The following EXOC4 variants were observed in gnomAD, a reference collection of about 807,000 sequenced individuals.
The protein encoded by EXOC4 is exocyst complex component 4.
In EXOC4, 71 loss-of-function variants were observed where a neutral mutation model predicts 107.2. That is an observed-to-expected ratio of 0.66 (90% confidence interval 0.55 to 0.81). The LOEUF is 0.81. Ranked by LOEUF, EXOC4 falls within the 30% of genes least tolerant of loss-of-function variation. The pLI, the probability that EXOC4 is intolerant of heterozygous loss-of-function variation, is 0.00. For missense variants in EXOC4, 1,108 were observed against 1,189.6 expected (o/e 0.93, Z 1.01); for synonymous variants, 456 against 441.2 (o/e 1.03, Z -0.42).
At chr7:133,526,155 G>C (rs1263532863) in intron 9 of EXOC4, among the ~76,000 whole-genome samples, 1 of 152,120 alleles carries the variant, frequency 6.6e-6, no homozygotes, top group Non-Finnish European at 1.5e-5. Flanking sequence ...CCAGATAATT[G>C]GCTCTTTCTG....
chr7:133,290,808 A>T (rs1268514707), intron 3 of EXOC4: 1 of 152,174 alleles, frequency 6.6e-6, no homozygotes, highest in Non-Finnish European at 1.5e-5. Flanking sequence ...CAGAAATTCA[A>T]CTCTAGCTAG....
intron 9 of EXOC4, among the ~76,000 whole-genome samples, chr7:133,626,747 C>T (rs1183954468): frequency 6.6e-6 from 1 of 152,198 alleles, no homozygotes; most frequent in Non-Finnish European, 1.5e-5. Flanking sequence ...AAATCTTCCT[C>T]TCACTGACAT....
At chr7:133,708,433 C>T (rs1456658230) in intron 10 of EXOC4, among the ~76,000 whole-genome samples, 2 of 152,170 alleles carry the variant, frequency 1.3e-5, no homozygotes, top group Non-Finnish European at 2.9e-5. Flanking sequence ...CATTAATTGA[C>T]ATTGAATGGA....
At chr7:133,293,696 G>A (rs1204872126) in intron 3 of EXOC4, among the ~76,000 whole-genome samples, 4 of 152,172 alleles carry the variant, frequency 2.6e-5, no homozygotes, top group East Asian at 3.8e-4. Flanking sequence ...TATGATAACC[G>A]AGTATTGCAT....
At chr7:133,360,030 A>G (rs1160437879) in intron 6 of EXOC4, among the ~76,000 whole-genome samples, 40 of 152,316 alleles carry the variant, frequency 2.6e-4, no homozygotes, top group Non-Finnish European at 1.0e-4. Flanking sequence ...TTAGGGTAAC[A>G]TGTGCCTTGC....
At chr7:134,007,919 G>A in intron 17 of EXOC4, 84 bp downstream of exon 17, 1 of 1,270,780 alleles carries the variant, frequency 7.9e-7, no homozygotes, top group South Asian at 1.6e-5. Context: ...ATAGACTCTT[G>A]GTGCAGAAAA....
At chr7:133,896,973 C>G (rs142822681) in intron 12 of EXOC4, among the ~76,000 whole-genome samples, 17 of 145,012 alleles carry the variant, frequency 1.2e-4, no homozygotes, top group African/African-American at 3.5e-4. Context: ...CAGTTGCCCA[C>G]TATTTAAAGG....
At chr7:133,396,551 C>T (rs1046867767) in intron 7 of EXOC4, 1 of 152,166 alleles carries the variant, frequency 6.6e-6, no homozygotes, top group Admixed American at 6.5e-5. Flanking sequence ...AGTATGTCAT[C>T]AATTAGGAAA....
intron 10 of EXOC4, among the ~76,000 whole-genome samples, chr7:133,652,729 G>A (rs1333816529): frequency 6.6e-6 from 1 of 152,192 alleles, no homozygotes; most frequent in Non-Finnish European, 1.5e-5. Flanking sequence ...CCGCCTCCGA[G>A]CAAGCAGCTG....
chr7:133,428,752 A>AT lies in EXOC4; in HGVS notation c.1183-46575dup, dbSNP rs1243094987. On this transcript the variant is annotated intron_variant, in intron 7 of 17. Coordinates refer to ENST00000253861, the MANE Select transcript of EXOC4 (RefSeq NM_021807.4). ...TCTGGTATGCCACTTGCTTTCTTTT[A>AT]TGCCACAAACATCTGTTGCTGCTTA... 5.5e-4 allele frequency among the ~76,000 whole-genome samples: 84 copies of AT among 152,274 alleles called. 1 individual carries two copies. The highest frequency in any genetic ancestry group is 1.9e-3 in the African/African-American group (81 of 41,568).
chr7:133,352,702 A>G, intron 5 of EXOC4, among the ~76,000 whole-genome samples: 1 of 151,302 alleles, frequency 6.6e-6, no homozygotes, highest in Non-Finnish European at 1.5e-5. Flanking sequence ...TATATGCATT[A>G]TTTTTTTTAC....
chr7:133,542,721 C>A (rs1177734079), intron 9 of EXOC4, among the ~76,000 whole-genome samples: 1 of 151,950 alleles, frequency 6.6e-6, no homozygotes, highest in Non-Finnish European at 1.5e-5. Context: ...GTCTTCTGAG[C>A]CCTAATACAT....
At chr7:133,982,197 G>T (rs896456872) in intron 14 of EXOC4, among the ~76,000 whole-genome samples, 3 of 152,100 alleles carry the variant, frequency 2.0e-5, no homozygotes, top group African/African-American at 4.8e-5. Context: ...CCCCCATGAC[G>T]CAAATTTACC....
intron 10 of EXOC4, among the ~76,000 whole-genome samples, chr7:133,716,920 C>T (rs1051463615): frequency 4.6e-5 from 7 of 152,034 alleles, no homozygotes; most frequent in Non-Finnish European, 1.0e-4. Flanking sequence ...AGCCTGGCTA[C>T]AGAGCAAGAC....
rs944750423 is a variant in EXOC4, at chr7:133,528,387, C to G, written c.1417+48249C>G. ...TGAAAGTTCTGATTTTACAAATAAA[C>G]TTAAGTGCGACATCAGTGATTGTGA... is the stretch of plus-strand genomic sequence containing the variant. On this transcript the variant is annotated intron_variant, in intron 9 of 17. Transcript: ENST00000253861. Among the ~76,000 whole-genome samples the G allele has an allele frequency of 9.9e-5, 15 of 152,210 alleles. No individual in the cohort carries two copies. In the East Asian group the frequency reaches 2.7e-3, roughly 27 times the overall value.
At chr7:133,952,356 G>A (rs935308616) in intron 14 of EXOC4, among the ~76,000 whole-genome samples, 18 of 152,112 alleles carry the variant, frequency 1.2e-4, no homozygotes, top group African/African-American at 4.1e-4. Context: ...CTTCAGCTGG[G>A]CATCCTCCAC....
the EXOC4 span, among the ~76,000 whole-genome samples, chr7:134,086,926 G>C: frequency 6.6e-6 from 1 of 152,194 alleles, no homozygotes; most frequent in South Asian, 2.1e-4. Flanking sequence ...TTTGTAAACT[G>C]TCATGGTACT....
intron 2 of EXOC4, among the ~76,000 whole-genome samples, chr7:133,281,345 T>C (rs143984169): frequency 4.0e-5 from 6 of 148,774 alleles, no homozygotes; most frequent in Non-Finnish European, 8.9e-5. Flanking sequence ...AATAAAAATG[T>C]ATCATTAAAA....
intron 6 of EXOC4, among the ~76,000 whole-genome samples, chr7:133,358,393 T>C (rs992987910): frequency 5.9e-5 from 9 of 152,216 alleles, no homozygotes; most frequent in African/African-American, 1.9e-4. Context: ...GTAAGTACTA[T>C]AACATGCATG....
Sources: gnomAD v4.1 joint callset for allele counts (sites outside exome capture counted in the v4.1 genomes callset) on GRCh38, gnomAD v4.1.1 for gene constraint, MANE v1.5 for transcripts, NCBI Gene and HGNC (gene_info 2026-07-23, HGNC 2026-07-21) for gene names.